The following PLEKHM3 variants were observed in gnomAD, a reference collection of about 807,000 sequenced individuals.
The protein encoded by PLEKHM3 is pleckstrin homology domain containing M3.
PLEKHM3 carries 45 observed loss-of-function variants against 81.8 expected under a neutral mutation model. The ratio of observed to expected loss-of-function variants is 0.55; its 90% CI spans 0.43 to 0.71. The LOEUF (loss-of-function observed/expected upper bound fraction) is 0.71. Among genes scored for constraint, PLEKHM3 ranks in the 30% least tolerant of loss-of-function variants. The pLI, the probability that PLEKHM3 is intolerant of heterozygous loss-of-function variation, is 0.00. For synonymous variants in PLEKHM3, 352 were observed against 356.4 expected (o/e 0.99, Z 0.14); for missense variants, 788 against 924.3 (o/e 0.85, Z 1.91).
intron 1 of PLEKHM3, among the ~76,000 whole-genome samples, chr2:208,006,440 T>C (rs1391785096): frequency 2.6e-5 from 4 of 152,190 alleles, no homozygotes. Context: ...AGAACTGTGT[T>C]CTAAATCTGG....
Position 207,916,788 on chromosome 2 carries a change from A to G in PLEKHM3, c.1887-8211T>C, listed in dbSNP as rs186798050. 8.5e-5 allele frequency among the ~76,000 whole-genome samples: 13 copies of G among 152,328 alleles called. 1 individual carries two copies. The East Asian group carries it at 2.5e-3, about 29-fold the overall frequency. On this transcript the variant is annotated intron_variant, in intron 5 of 7. Transcript: ENST00000427836. ...AAGAAAATGATTTTAGAGAATTTAT[A>G]TATTTCATTTCATCTCAGAATAAGA...
intron 6 of PLEKHM3, among the ~76,000 whole-genome samples, chr2:207,887,924 A>G (rs945574049): frequency 6.6e-6 from 1 of 152,186 alleles, no homozygotes; most frequent in African/African-American, 2.4e-5. Flanking sequence ...TTGGAAATTT[A>G]TGGCAATCTC....
chr2:207,880,192 A>G (rs931432687), intron 6 of PLEKHM3, among the ~76,000 whole-genome samples: 4 of 152,086 alleles, frequency 2.6e-5, no homozygotes, highest in African/African-American at 9.7e-5. Context: ...GGATCACTTG[A>G]GGCCAGGAGT....
intron 7 of PLEKHM3, among the ~76,000 whole-genome samples, chr2:207,854,262 A>C (rs2092427359): frequency 6.6e-6 from 1 of 152,190 alleles, no homozygotes; most frequent in African/African-American, 2.4e-5. Context: ...TATTTCAAAC[A>C]TATGCAAAAG....
At chr2:207,878,007 C>T (rs1177973430) in intron 6 of PLEKHM3, among the ~76,000 whole-genome samples, 1 of 152,154 alleles carries the variant, frequency 6.6e-6, no homozygotes, top group Non-Finnish European at 1.5e-5. Flanking sequence ...GTAATCTTGT[C>T]TTACCGCAAC....
At chr2:207,848,441 T>C (rs2092396040) in intron 7 of PLEKHM3, among the ~76,000 whole-genome samples, 3 of 152,344 alleles carry the variant, frequency 2.0e-5, no homozygotes, top group African/African-American at 2.4e-5. Context: ...GCCTTCTCCA[T>C]GCACTGTGCC....
rs112410748 is a variant in PLEKHM3 at position 207,883,111 on chromosome 2, T to C, written c.1951-21849A>G. Among the ~76,000 whole-genome samples, 688 of 152,304 alleles carry C rather than the reference T, an allele frequency of 4.5e-3. 10 individuals carry two copies. Among genetic ancestry groups the C allele is most frequent in the African/African-American group, 0.014 (572 of 41,562 alleles). ...GACGTTACCATTGGTTGACAAGGCT[T>C]TGGTACCATGTGCTCAGCTGAGTGT... On this transcript the variant is annotated intron_variant, in intron 6 of 7. Transcript: ENST00000427836.
At chr2:207,930,869 C>G in intron 5 of PLEKHM3, 57 bp downstream of exon 5, 1 of 1,581,236 alleles carries the variant, frequency 6.3e-7, no homozygotes. Flanking sequence ...ATCTCACCAC[C>G]CTCCGTGGGC....
At chr2:207,841,375 T>C (rs972857092) in intron 7 of PLEKHM3, among the ~76,000 whole-genome samples, 4 of 138,558 alleles carry the variant, frequency 2.9e-5, no homozygotes, top group African/African-American at 1.1e-4. Context: ...TGAGGCGCGA[T>C]AATCGCTTCA....
Position 207,977,220 on chromosome 2 carries a change from C to T in PLEKHM3, c.977G>A (p.Gly326Glu), listed in dbSNP as rs746622234. The T allele has an allele frequency of 9.3e-6, 15 of 1,613,940 alleles. No homozygotes were observed. The highest frequency in any genetic ancestry group is 1.3e-5 in the African/African-American group (1 of 74,872). The change falls in exon 3 of 8, where the codon GGG becomes GAG. Residue 326 changes from glycine to glutamate, a missense_variant. Transcript: ENST00000427836. ...TGTATAGTCATCATGATGGCCAAGC[C>T]CTGGTGAGATTGTCAGCTCATTCTG... ...GRQNELTISP[G>E]LGHHDDYTQN...
At chr2:207,838,064 G>A (rs1251530733) in intron 7 of PLEKHM3, among the ~76,000 whole-genome samples, 1 of 151,990 alleles carries the variant, frequency 6.6e-6, no homozygotes, top group Non-Finnish European at 1.5e-5. Flanking sequence ...GAGCCACCGC[G>A]CCCGGCCTCG....
intron 5 of PLEKHM3, among the ~76,000 whole-genome samples, chr2:207,920,334 G>A (rs1689138308): frequency 6.6e-6 from 1 of 152,156 alleles, no homozygotes; most frequent in South Asian, 2.1e-4. Flanking sequence ...TAGTGCTGGA[G>A]AGAGACGAGT....
At chr2:207,890,162 G>A (rs556546033) in intron 6 of PLEKHM3, among the ~76,000 whole-genome samples, 26 of 152,198 alleles carry the variant, frequency 1.7e-4, no homozygotes, top group African/African-American at 4.6e-4. Context: ...TTCTTGTCAC[G>A]AGGTGACATC....
chr2:207,872,313 G>A (rs561501231), intron 6 of PLEKHM3, among the ~76,000 whole-genome samples: 1 of 152,252 alleles, frequency 6.6e-6, no homozygotes, highest in East Asian at 1.9e-4. Flanking sequence ...ATTAGCCCAG[G>A]TTTAGATCCA....
intron 5 of PLEKHM3, among the ~76,000 whole-genome samples, chr2:207,909,944 G>A (rs962832621): frequency 1.3e-5 from 2 of 152,154 alleles, no homozygotes; most frequent in African/African-American, 4.8e-5. Flanking sequence ...GACACTATTA[G>A]ACTACTGAAA....
chr2:207,916,128 T>G (rs1688985937), intron 5 of PLEKHM3, among the ~76,000 whole-genome samples: 1 of 152,218 alleles, frequency 6.6e-6, no homozygotes, highest in African/African-American at 2.4e-5. Flanking sequence ...TCTAGGTACC[T>G]CATTTTGCAA....
At chr2:207,865,801 A>AAAAAAAAAAAAAAAAAAAAT in intron 6 of PLEKHM3, among the ~76,000 whole-genome samples, 3 of 25,300 alleles carry the variant, frequency 1.2e-4, no homozygotes, top group African/African-American at 2.1e-4. Flanking sequence ...AAAAAAAAAA[A>AAAAAAAAAAAAAAAAAAAAT]AGATATATAT....
intron 6 of PLEKHM3, among the ~76,000 whole-genome samples, chr2:207,906,551 G>A (rs894031845): frequency 1.6e-4 from 25 of 152,314 alleles, no homozygotes; most frequent in Non-Finnish European, 3.4e-4. Context: ...CTCTTTGGGA[G>A]GCTGAGGCAG....
intron 1 of PLEKHM3, among the ~76,000 whole-genome samples, chr2:208,014,864 T>C (rs1016332512): frequency 3.3e-5 from 5 of 152,254 alleles, no homozygotes; most frequent in African/African-American, 1.2e-4. Context: ...AGGCATATGA[T>C]AGCTGGGACT....
Sources: allele counts gnomAD v4.1 joint callset (sites outside exome capture counted in the v4.1 genomes callset), GRCh38; gene constraint gnomAD v4.1.1; transcripts MANE v1.5; gene names NCBI Gene and HGNC (gene_info 2026-07-23, HGNC 2026-07-21).